Variants in APBA2 observed in about 807,000 individuals in gnomAD.
The protein encoded by APBA2 is amyloid-beta A4 precursor protein-binding family A member 2.
In APBA2, 30 loss-of-function variants were observed where a neutral mutation model predicts 75.0. The ratio of observed to expected loss-of-function variants is 0.40; its 90% CI spans 0.30 to 0.54. The LOEUF (loss-of-function observed/expected upper bound fraction) is 0.54. APBA2 is among the 20% of genes least tolerant of loss of function. The probability of loss-of-function intolerance (pLI) is 0.49; values close to 1 mark genes in which losing one functional copy is unlikely to be tolerated. For missense variants in APBA2, 801 were observed against 1,016.1 expected, an observed-to-expected ratio of 0.79 and a Z score of 2.88; for synonymous variants, 444 against 409.6, an observed-to-expected ratio of 1.08 and a Z score of -1.01.
At chr15:28,899,743 G>A (rs1365633790) in intron 1 of APBA2, among the ~76,000 whole-genome samples, 1 of 152,184 alleles carries the variant, frequency 6.6e-6, no homozygotes, top group Non-Finnish European at 1.5e-5. Context: ...CAGGGCAAAG[G>A]GTGTAGATAT....
At chr15:28,902,036 G>T (rs566336457) in intron 1 of APBA2, among the ~76,000 whole-genome samples, 1 of 151,576 alleles carries the variant, frequency 6.6e-6, no homozygotes, top group East Asian at 2.0e-4. Flanking sequence ...AGGCCTGAGT[G>T]AAGCAGGCAT....
intron 2 of APBA2, among the ~76,000 whole-genome samples, chr15:28,951,589 A>AT (rs1181806514): frequency 6.9e-6 from 1 of 145,046 alleles, no homozygotes; most frequent in Non-Finnish European, 1.5e-5. Context: ...GTTTTTTTTT[A>AT]TTTTTTTATT....
chr15:28,951,427 C>T (rs1395723677), intron 2 of APBA2, among the ~76,000 whole-genome samples: 1 of 152,084 alleles, frequency 6.6e-6, no homozygotes, highest in Non-Finnish European at 1.5e-5. Flanking sequence ...AGGATCCCTG[C>T]CTTATTTTAT....
chr15:28,975,225 A>G (rs2037272608), intron 2 of APBA2, among the ~76,000 whole-genome samples: 1 of 134,402 alleles, frequency 7.4e-6, no homozygotes, highest in African/African-American at 3.7e-5. Context: ...TTCCTACTGG[A>G]AAAAAATTCA....
Position 29,113,895 on chromosome 15 carries a change from G to C in APBA2, c.2057G>C (p.Gly686Ala), listed in dbSNP as rs2044886363. 1.2e-6 allele frequency: 2 copies of C among 1,612,320 alleles called. No individual in the cohort carries two copies. The highest frequency in any genetic ancestry group is 2.7e-5 in the African/African-American group (2 of 74,936). ...GCTTAGATCTGCAGCCTCATGAGAG[G>C]GGGCATTGCTGAGCGAGGGGGCGTC... Reference protein sequence around the residue: ...QNGIICSLMRGGIAERGGVRV... With the variant: ...QNGIICSLMRAGIAERGGVRV... Residue 686 changes from glycine (G) to alanine (A), a missense_variant, in exon 14 of 15, where the codon GGG becomes GCG. Physicochemically the swap from Gly to Ala is moderately conservative, Grantham distance 60. This residue lies in a region of APBA2 where 367 missense variants were observed against 544.5 expected (regional missense o/e 0.67). Coordinates refer to ENST00000683413, the MANE Select transcript of APBA2 (RefSeq NM_001353788.2).
At chr15:29,109,059 A>G (rs2044592593) in intron 13 of APBA2, among the ~76,000 whole-genome samples, 1 of 152,106 alleles carries the variant, frequency 6.6e-6, no homozygotes, top group Non-Finnish European at 1.5e-5. Flanking sequence ...GTGGCCACTA[A>G]GTGGAGTAAA....
intron 2 of APBA2, chr15:28,970,288 A>G (rs922344280): frequency 4.0e-5 from 6 of 151,654 alleles, no homozygotes; most frequent in African/African-American, 1.5e-4. Flanking sequence ...CATTTATACA[A>G]CGTATATATT....
At chr15:28,921,437 C>T (rs575466276) in intron 1 of APBA2, among the ~76,000 whole-genome samples, 16 of 152,246 alleles carry the variant, frequency 1.1e-4, no homozygotes, top group African/African-American at 3.9e-4. Flanking sequence ...CAACTTGTGA[C>T]GCTTGGTTTT....
chr15:28,965,057 C>T (rs2036668775), intron 2 of APBA2, among the ~76,000 whole-genome samples: 1 of 151,774 alleles, frequency 6.6e-6, no homozygotes, highest in Non-Finnish European at 1.5e-5. Context: ...CATTAAGGTC[C>T]CAAAGCTCTT....
At chr15:28,894,179 C>T (rs562998013) in intron 1 of APBA2, 1 of 152,300 alleles carries the variant, frequency 6.6e-6, no homozygotes, top group Non-Finnish European at 1.5e-5. Flanking sequence ...CTCAAGGACT[C>T]TGCAGTGGTA....
intron 2 of APBA2, among the ~76,000 whole-genome samples, chr15:28,952,247 A>G (rs1271745755): frequency 6.6e-6 from 1 of 152,138 alleles, no homozygotes; most frequent in Non-Finnish European, 1.5e-5. Context: ...AATATTTTCC[A>G]AGTATACACA....
chr15:29,026,920 CAAAAAAACAAGAACA>C (rs2040250566), intron 3 of APBA2, among the ~76,000 whole-genome samples: 1 of 151,782 alleles, frequency 6.6e-6, no homozygotes, highest in Admixed American at 6.6e-5. Context: ...GACTCTGTCT[CAAAAAAACAAGAACA>C]AAAAAAACCA....
chr15:29,054,146 G>A lies in APBA2; in HGVS notation c.262G>A (p.Glu88Lys), dbSNP rs2041753725. ...CACCTCTGAGGAGGAGGACTATGAC[G>A]AGGGCCTCCCTGAGGAGGAGGAGGG... is the stretch of plus-strand genomic sequence containing the variant. ...NNTSEEEDYD[E>K]GLPEEEEGIT... The change falls in exon 4 of 15, where the codon GAG (glutamate) becomes AAG (lysine). Residue 88 changes from glutamate (E) to lysine (K), a missense_variant. Physicochemically the swap from Glu to Lys is moderately conservative, Grantham distance 56. Coordinates refer to ENST00000683413, the MANE Select transcript of APBA2 (RefSeq NM_001353788.2). The surrounding 1 kb of genome is among the most constrained non-coding windows in gnomAD (Gnocchi z 6.1). 5.6e-6 allele frequency: 9 copies of A among 1,614,042 alleles called. No homozygotes were observed. Among genetic ancestry groups the A allele is most frequent in the Non-Finnish European group, 5.1e-6 (6 of 1,180,020 alleles).
intron 1 of APBA2, among the ~76,000 whole-genome samples, chr15:28,906,251 T>A (rs537900264): frequency 6.6e-6 from 1 of 152,294 alleles, no homozygotes; most frequent in East Asian, 1.9e-4. Flanking sequence ...ATAGACTAGA[T>A]AAAGAAAGTG....
At chr15:29,028,202 T>TC (rs1160726793) in intron 3 of APBA2, among the ~76,000 whole-genome samples, 1 of 152,032 alleles carries the variant, frequency 6.6e-6, no homozygotes, top group African/African-American at 2.4e-5. Flanking sequence ...CCTCCCTGTG[T>TC]CCATGTTTTC....
At chr15:28,999,129 A>G (rs1210933308) in intron 3 of APBA2, among the ~76,000 whole-genome samples, 2 of 151,854 alleles carry the variant, frequency 1.3e-5, no homozygotes, top group African/African-American at 2.4e-5. Context: ...CCTGGGTGAC[A>G]GAATGAGACT....
intron 13 of APBA2, among the ~76,000 whole-genome samples, chr15:29,111,743 C>T (rs1019312061): frequency 2.6e-5 from 4 of 152,108 alleles, no homozygotes; most frequent in African/African-American, 9.7e-5. Context: ...ACAGTGGCTG[C>T]CACTTGTGCC....
intron 2 of APBA2, chr15:28,990,417 G>A (rs1025349575): frequency 1.3e-5 from 2 of 150,368 alleles, no homozygotes; most frequent in African/African-American, 4.9e-5. Context: ...AAAAGAACAA[G>A]TCAGCTCAGC....
chr15:29,105,750 CAAAG>C (rs1455404023), intron 11 of APBA2, among the ~76,000 whole-genome samples, 192 bp downstream of exon 11: 3 of 152,198 alleles, frequency 2.0e-5, no homozygotes. Context: ...GTGTTTGTAA[CAAAG>C]AAGCTGATTA....
Sources: allele counts gnomAD v4.1 joint callset (sites outside exome capture counted in the v4.1 genomes callset), GRCh38; gene constraint gnomAD v4.1.1; regional missense constraint gnomAD v4.1.1; non-coding constraint Gnocchi (gnomAD v3.1); transcripts MANE v1.5; gene names NCBI Gene and HGNC (gene_info 2026-07-23, HGNC 2026-07-21).